The following ISCA2 variants were observed in gnomAD, a reference collection of about 807,000 sequenced individuals.
ISCA2 encodes the protein iron-sulfur cluster assembly 2, also known as iron-sulfur cluster assembly 2 homolog, mitochondrial.
ISCA2 carries 21 observed loss-of-function variants against 19.1 expected under a neutral mutation model. The observed-to-expected ratio is 1.10, with a 90% confidence interval of 0.78 to 1.59. The LOEUF is 1.59. Among genes scored for constraint, ISCA2 ranks in the 40% most tolerant of loss-of-function variants. The pLI is 0.00. For missense variants in ISCA2, 181 were observed against 191.7 expected (o/e 0.94, Z 0.33); for synonymous variants, 107 against 83.8 (o/e 1.28, Z -1.51).
rs538690645 is a variant in ISCA2 at position 74,495,256 on chromosome 14, G to C, written c.*256G>C. Reference sequence around the variant, plus strand: ...AGATTTAATCACTGGTTGAAACTCCGTATAATCTGTAGAGCCTCCATGGCT... The same window carrying C: ...AGATTTAATCACTGGTTGAAACTCCCTATAATCTGTAGAGCCTCCATGGCT... On this transcript the variant is annotated 3_prime_UTR_variant, in exon 4 of 4. Transcript: ENST00000556816. The C allele has an allele frequency of 7.5e-6, 3 of 402,534 alleles. No homozygotes were observed. The highest frequency in any genetic ancestry group is 6.2e-5 in the African/African-American group (3 of 48,678). The allele number at this position is 402,534 out of a possible 1,614,324, so 24.9% of individuals were successfully genotyped here.
At chr14:74,494,426 A>C (rs377201399) in intron 3 of ISCA2, 36 bp downstream of exon 3, 27 of 1,462,630 alleles carry the variant, frequency 1.8e-5, no homozygotes, top group Non-Finnish European at 2.2e-5. Context: ...AAGGAGGTAC[A>C]GGAGGGACAA....
rs1478129518 is a variant in ISCA2 at position 74,493,799 on chromosome 14, C to G, written c.25C>G (p.Leu9Val). 17 of 1,537,596 alleles carry G rather than the reference C, an allele frequency of 1.1e-5. No homozygotes were observed. Among genetic ancestry groups the G allele is most frequent in the African/African-American group, 1.4e-5 (1 of 72,586 alleles). The change falls in exon 1 of 4, where the codon CTA becomes GTA. Residue 9 changes from leucine (L) to valine (V), a missense_variant. Physicochemically the swap from Leu to Val is conservative, Grantham distance 32. Transcript: ENST00000556816. This position sits in a 1 kb window ranked among gnomAD's most constrained non-coding sequence, Gnocchi z 4.1. MAAAWGSS[L>V]TAATQRAVTP... is the part of the protein sequence containing the mutation. ...GATGGCTGCCGCCTGGGGGTCGTCCCTAACGGCCGCGACGCAGAGAGCGGT... is the reference window on the plus strand; with the variant it reads ...GATGGCTGCCGCCTGGGGGTCGTCCGTAACGGCCGCGACGCAGAGAGCGGT...
At chr14:74,494,174 G>A in intron 2 of ISCA2, 22 bp downstream of exon 2, 2 of 1,586,538 alleles carry the variant, frequency 1.3e-6, no homozygotes, top group Non-Finnish European at 1.7e-6. Flanking sequence ...GACGCGGAGC[G>A]GCGGTACCCA....
At chr14:74,494,738 A>C in intron 3 of ISCA2, 88 bp from the exon 4 acceptor site, 3 of 1,180,278 alleles carry the variant, frequency 2.5e-6, no homozygotes, top group Non-Finnish European at 3.6e-6. Context: ...TCTGTACTTT[A>C]GAAAACAGAG....
In ISCA2 at chr14:74,496,642, AT is replaced by A. The variant is rs1299297233; in HGVS notation, c.*1647del. The A allele has an allele frequency of 6.6e-6, 1 of 152,214 alleles. No individual in the cohort carries two copies. The highest frequency in any genetic ancestry group is 1.5e-5 in the Non-Finnish European group (1 of 68,054). The allele number at this position is 152,214 out of a possible 1,614,324, so 9.4% of individuals were successfully genotyped here. A position where few individuals can be genotyped will look rare whatever the true frequency, so the allele number is the denominator to read the frequency against. On this transcript the variant is annotated 3_prime_UTR_variant, in exon 4 of 4. Transcript: ENST00000556816. ...ACATTAGAATATATTCTTTAAGAATATTTTTGTGGGTTATTTATTGATTTTG... is the reference window on the plus strand; with the variant it reads ...ACATTAGAATATATTCTTTAAGAATATTTTGTGGGTTATTTATTGATTTTG...
chr14:74,494,350 T>C lies in ISCA2; in HGVS notation c.250T>C (p.Tyr84His), dbSNP rs2086821280. 1.2e-6 allele frequency: 2 copies of C among 1,613,958 alleles called. No individual in the cohort carries two copies. Among genetic ancestry groups the C allele is most frequent in the Admixed American group, 1.7e-5 (1 of 60,006 alleles). The part of the protein sequence containing the change: ...VEGGGCSGFQ[Y>H]KFSLDTVINP... The stretch of plus-strand genomic sequence containing the variant: ...GGGAGGTGGATGCTCCGGATTCCAA[T>C]ACAAATTTTCACTGGATACAGTTAT... The change falls in exon 3 of 4, where the codon TAC (tyrosine) becomes CAC (histidine). Residue 84 changes from tyrosine (Y) to histidine (H), a missense_variant. By Grantham distance (83) the Tyr-to-His change is moderately conservative (BLOSUM62 2). Coordinates refer to ENST00000556816, the MANE Select transcript of ISCA2 (RefSeq NM_194279.4).
Position 74,496,038 on chromosome 14 carries a change from C to T in ISCA2, c.*1038C>T, listed in dbSNP as rs1018285462. 4 of 152,220 alleles carry T rather than the reference C, an allele frequency of 2.6e-5. No homozygotes were observed. Among genetic ancestry groups the T allele is most frequent in the Admixed American group, 6.5e-5 (1 of 15,282 alleles). The allele number at this position is 152,220 out of a possible 1,614,324, so 9.4% of individuals were successfully genotyped here. A position where few individuals can be genotyped will look rare whatever the true frequency, so the allele number is the denominator to read the frequency against. ...TCACAAATTCTAGTGAATTAAAGTA[C>T]TTGTGTAGGTGTGGCACTTAAATAG... On this transcript the variant is annotated 3_prime_UTR_variant, in exon 4 of 4. Coordinates refer to ENST00000556816, the MANE Select transcript of ISCA2 (RefSeq NM_194279.4).
At position 74,493,837 on chromosome 14, in the gene ISCA2, G is replaced by A; in HGVS notation, c.63G>A (p.Pro21=). 2 of 1,558,656 alleles carry A rather than the reference G, an allele frequency of 1.3e-6. No homozygotes were observed. The highest frequency in any genetic ancestry group is 2.4e-5 in the South Asian group (2 of 84,668). Residue 21 remains proline, a synonymous_variant, in exon 1 of 4, where the codon CCG becomes CCA. Transcript: ENST00000556816. This position sits in a 1 kb window ranked among gnomAD's most constrained non-coding sequence, Gnocchi z 4.1. ...CGCAGAGAGCGGTCACTCCCTGGCC[G>A]AGGGGCAGGTACCAAGACTAGAAAG... The part of the protein sequence containing the change: ...AATQRAVTPW[P]RGRLLTASLG...
At chr14:74,494,242 C>T (rs1321928015) in intron 2 of ISCA2, 33 bp from the exon 3 acceptor site, 10 of 1,603,360 alleles carry the variant, frequency 6.2e-6, no homozygotes, top group South Asian at 4.4e-5. Context: ...CTCCCGTTTC[C>T]CGCTATTCTT....
rs558228432 is a variant in ISCA2, at chr14:74,496,772, A to G, written c.*1772A>G. On this transcript the variant is annotated 3_prime_UTR_variant, in exon 4 of 4. Coordinates refer to ENST00000556816, the MANE Select transcript of ISCA2 (RefSeq NM_194279.4). ...AACAGTCCCTTAGAATGCAGCTTAT[A>G]TGTGAGTATCTACTGTTAATGGGAG... is the stretch of plus-strand genomic sequence containing the variant. The G allele has an allele frequency of 6.6e-6, 1 of 152,326 alleles. No homozygotes were observed. The highest frequency in any genetic ancestry group is 2.1e-4 in the South Asian group (1 of 4,822). The allele number at this position is 152,326 out of a possible 1,614,324, so 9.4% of individuals were successfully genotyped here. A position where few individuals can be genotyped will look rare whatever the true frequency, so the allele number is the denominator to read the frequency against.
At chr14:74,494,416 A>G (rs758344642) in intron 3 of ISCA2, 26 bp downstream of exon 3, 5 of 1,516,716 alleles carry the variant, frequency 3.3e-6, no homozygotes, top group East Asian at 2.3e-5. Context: ...TGGGCCCCCA[A>G]AGGAGGTACA....
rs1228547607 is a variant in ISCA2 at position 74,494,098 on chromosome 14, C to T, written c.120C>T (p.Ser40=). 4.5e-6 allele frequency: 7 copies of T among 1,570,658 alleles called. No individual in the cohort carries two copies. The highest frequency in any genetic ancestry group is 1.8e-5 in the Admixed American group (1 of 54,746). The part of the protein sequence containing the change: ...LGPQARREAS[S]SSPEAGEGQI... ...CCCAGGCGCGTCGGGAGGCGTCGTC[C>T]TCCAGCCCCGAGGCCGGCGAAGGGC... The change falls in exon 2 of 4, where the codon TCC becomes TCT. Residue 40 remains serine, a synonymous_variant. Coordinates refer to ENST00000556816, the MANE Select transcript of ISCA2 (RefSeq NM_194279.4).
rs958060107 is a variant in ISCA2 at position 74,495,901 on chromosome 14, G to T, written c.*901G>T. ...GTAAATAATTTTTTAGTATGCATAT[G>T]TCTCAAATATTGCATATACTAAAAA... On this transcript the variant is annotated 3_prime_UTR_variant, in exon 4 of 4. Transcript: ENST00000556816. 6.6e-6 allele frequency: 1 copy of T among 152,140 alleles called. No homozygotes were observed. The highest frequency in any genetic ancestry group is 2.4e-5 in the African/African-American group (1 of 41,400). The allele number at this position is 152,140 out of a possible 1,614,324, so 9.4% of individuals were successfully genotyped here. A position where few individuals can be genotyped will look rare whatever the true frequency, so the allele number is the denominator to read the frequency against.
chr14:74,494,317 C>T lies in ISCA2; in HGVS notation c.217C>T (p.Gln73Ter), dbSNP rs752655836. ...CGAAGGGTCAGAATTCCTCAGGCTG[C>T]AAGTGGAGGGAGGTGGATGCTCCGG... ...ITEGSEFLRL[Q>*]VEGGGCSGFQ... Residue 73 changes from glutamine (Q) to a stop codon, truncating the protein, a stop_gained, in exon 3 of 4, where the codon CAA becomes TAA. Coordinates refer to ENST00000556816, the MANE Select transcript of ISCA2 (RefSeq NM_194279.4). LOFTEE classifies it high-confidence loss of function. 3.1e-6 allele frequency: 5 copies of T among 1,614,186 alleles called. No homozygotes were observed. The Admixed American group carries it at 6.7e-5, about 22-fold the overall frequency.
In ISCA2 at chr14:74,494,297, G is replaced by A. The variant is rs761507807; in HGVS notation, c.197G>A (p.Gly66Glu). ...CVQRLLEITE[G>E]SEFLRLQVEG... is the part of the protein sequence containing the mutation. ...CAGAGGCTTTTGGAAATCACCGAAGGGTCAGAATTCCTCAGGCTGCAAGTG... is the reference window on the plus strand; with the variant it reads ...CAGAGGCTTTTGGAAATCACCGAAGAGTCAGAATTCCTCAGGCTGCAAGTG... Residue 66 changes from glycine to glutamate, a missense_variant, in exon 3 of 4, where the codon GGG (glycine) becomes GAG (glutamate). Transcript: ENST00000556816. The A allele has an allele frequency of 1.1e-5, 18 of 1,614,108 alleles. No individual in the cohort carries two copies. The highest frequency in any genetic ancestry group is 1.5e-5 in the Non-Finnish European group (18 of 1,179,946).
At position 74,493,930 on chromosome 14, in the gene ISCA2, C is replaced by T. The variant is rs1347178353; in HGVS notation, c.71+85C>T. Reference sequence around the variant, plus strand: ...GGGAAACTAAGGCCTGTGGGGGATGCGAGGGTTTGGTGGGAGGCCGTCCAG... The same window carrying T: ...GGGAAACTAAGGCCTGTGGGGGATGTGAGGGTTTGGTGGGAGGCCGTCCAG... On this transcript the variant is annotated intron_variant, in intron 1 of 3. Transcript: ENST00000556816. This position sits in a 1 kb window ranked among gnomAD's most constrained non-coding sequence, Gnocchi z 4.1. 45 of 1,480,214 alleles carry T rather than the reference C, an allele frequency of 3.0e-5. No individual in the cohort carries two copies. The highest frequency in any genetic ancestry group is 3.6e-5 in the Non-Finnish European group (39 of 1,085,974). 91.7% of individuals were successfully genotyped at this position (1,480,214 alleles called of 1,614,324 possible).
rs891150866 is a variant in ISCA2 at position 74,495,995 on chromosome 14, A to G, written c.*995A>G. On this transcript the variant is annotated 3_prime_UTR_variant, in exon 4 of 4. Transcript: ENST00000556816. Reference sequence around the variant, plus strand: ...ACCTTGGCAACTCTGCTTTAGGGTCACCAAACAGCTTTTAAAATCACAAAT... The same window carrying G: ...ACCTTGGCAACTCTGCTTTAGGGTCGCCAAACAGCTTTTAAAATCACAAAT... 1 of 152,238 alleles carries G rather than the reference A, an allele frequency of 6.6e-6. No individual in the cohort carries two copies. The highest frequency in any genetic ancestry group is 1.5e-5 in the Non-Finnish European group (1 of 68,042). 9.4% of individuals were successfully genotyped at this position (152,238 alleles called of 1,614,324 possible). A position where few individuals can be genotyped will look rare whatever the true frequency, so the allele number is the denominator to read the frequency against.
rs2139680392 is a variant in ISCA2 at position 74,496,515 on chromosome 14, A to G, written c.*1515A>G. 6.6e-6 allele frequency: 1 copy of G among 152,328 alleles called. No homozygotes were observed. The highest frequency in any genetic ancestry group is 2.1e-4 in the South Asian group (1 of 4,828). The allele number at this position is 152,328 out of a possible 1,614,324, so 9.4% of individuals were successfully genotyped here. Reference sequence around the variant, plus strand: ...GCATACCATGGGAGCATCTGTGTGCACACATGACCAAGACAGTGCCGCCAG... The same window carrying G: ...GCATACCATGGGAGCATCTGTGTGCGCACATGACCAAGACAGTGCCGCCAG... On this transcript the variant is annotated 3_prime_UTR_variant, in exon 4 of 4. Coordinates refer to ENST00000556816, the MANE Select transcript of ISCA2 (RefSeq NM_194279.4).
intron 3 of ISCA2, 31 bp from the exon 4 acceptor site, chr14:74,494,795 A>G (rs1270994224): frequency 6.2e-7 from 1 of 1,600,148 alleles, no homozygotes; most frequent in East Asian, 2.2e-5. Context: ...TGTTTGCGAT[A>G]CTCCTTAATG....
Sources: gnomAD v4.1 joint callset for allele counts on GRCh38, gnomAD v4.1.1 for gene constraint, Gnocchi (gnomAD v3.1) non-coding constraint, MANE v1.5 for transcripts, NCBI Gene and HGNC (gene_info 2026-07-23, HGNC 2026-07-21) for gene names.